Variants in ELF2 observed in about 807,000 individuals in gnomAD.
The protein encoded by ELF2 is ETS-related transcription factor Elf-2.
Under a neutral mutation model 54.8 loss-of-function variants are expected in ELF2, and 11 were observed. That is an observed-to-expected ratio of 0.20 (90% CI 0.13 to 0.33). The LOEUF (loss-of-function observed/expected upper bound fraction) is 0.33, where lower values mean the gene tolerates loss of function less well. Ranked by LOEUF, ELF2 falls within the 10% of genes least tolerant of loss-of-function variation. The pLI, the probability that ELF2 is intolerant of heterozygous loss-of-function variation, is 1.00. For synonymous variants in ELF2, 203 were observed against 245.1 expected (o/e 0.83, Z 1.61); for missense variants, 513 against 703.0 (o/e 0.73, Z 3.06).
chr4:139,171,682 G>A (rs1742328022), intron 1 of ELF2, among the ~76,000 whole-genome samples: 1 of 152,038 alleles, frequency 6.6e-6, no homozygotes, highest in East Asian at 1.9e-4. Flanking sequence ...CTAGCACTTT[G>A]GGAGGCCAAG....
chr4:139,172,907 T>C (rs1204071160), intron 1 of ELF2, among the ~76,000 whole-genome samples: 9 of 96,496 alleles, frequency 9.3e-5, no homozygotes, highest in South Asian at 4.1e-4. Flanking sequence ...GGGGGGGGGC[T>C]ATCATATACC....
At chr4:139,141,388 G>C (rs533482475) in intron 1 of ELF2, among the ~76,000 whole-genome samples, 21 of 152,052 alleles carry the variant, frequency 1.4e-4, no homozygotes, top group Non-Finnish European at 2.5e-4. Context: ...TTTATACGAA[G>C]GACTTCATAT....
At chr4:139,107,868 A>G (rs1253411802) in intron 4 of ELF2, among the ~76,000 whole-genome samples, 1 of 152,182 alleles carries the variant, frequency 6.6e-6, no homozygotes, top group Non-Finnish European at 1.5e-5. Context: ...AATCCTTCCT[A>G]GAGAAATGTC....
At chr4:139,173,212 C>A (rs541329997) in intron 1 of ELF2, among the ~76,000 whole-genome samples, 1 of 151,980 alleles carries the variant, frequency 6.6e-6, no homozygotes, top group East Asian at 1.9e-4. Flanking sequence ...GATAGTTTCA[C>A]GATCTATATA....
At chr4:139,165,809 C>A (rs560900929) in intron 1 of ELF2, among the ~76,000 whole-genome samples, 157 of 152,280 alleles carry the variant, frequency 1.0e-3, no homozygotes, top group African/African-American at 2.7e-3. Flanking sequence ...AAAGCACTGA[C>A]AAATAAGTGA....
intron 1 of ELF2, among the ~76,000 whole-genome samples, chr4:139,162,308 G>C (rs951494198): frequency 2.6e-5 from 4 of 152,118 alleles, no homozygotes; most frequent in Admixed American, 2.6e-4. Flanking sequence ...CACAAGGTCA[G>C]GAGTTCAAGA....
At chr4:139,136,427 A>C (rs1738158775) in intron 3 of ELF2, among the ~76,000 whole-genome samples, 1 of 152,170 alleles carries the variant, frequency 6.6e-6, no homozygotes, top group Non-Finnish European at 1.5e-5. Flanking sequence ...AGCAAAAAAA[A>C]AAGAATCCAG....
At chr4:139,069,669 C>T (rs1729228315) in intron 6 of ELF2, among the ~76,000 whole-genome samples, 1 of 152,106 alleles carries the variant, frequency 6.6e-6, no homozygotes, top group Admixed American at 6.5e-5. Context: ...ACAGCAAGAT[C>T]CACAATGCAC....
chr4:139,149,556 G>C (rs1030170151), intron 1 of ELF2, among the ~76,000 whole-genome samples: 1 of 152,200 alleles, frequency 6.6e-6, no homozygotes, highest in African/African-American at 2.4e-5. Flanking sequence ...AGAGGTTGCA[G>C]TGAGCCAAGA....
At chr4:139,122,848 A>G (rs998025995) in intron 4 of ELF2, among the ~76,000 whole-genome samples, 1 of 151,920 alleles carries the variant, frequency 6.6e-6, no homozygotes, top group East Asian at 1.9e-4. Context: ...TGACTTGAAA[A>G]CTAATCTATG....
At chr4:139,071,314 C>G (rs999039895) in intron 6 of ELF2, among the ~76,000 whole-genome samples, 13 of 151,112 alleles carry the variant, frequency 8.6e-5, no homozygotes, top group African/African-American at 2.9e-4. Context: ...TGATATATAT[C>G]ATATATATAT....
intron 1 of ELF2, among the ~76,000 whole-genome samples, chr4:139,146,798 G>A (rs959985380): frequency 6.6e-6 from 1 of 152,124 alleles, no homozygotes; most frequent in Non-Finnish European, 1.5e-5. Flanking sequence ...TTTAATAAAT[G>A]GTGCTGAGAA....
intron 6 of ELF2, among the ~76,000 whole-genome samples, chr4:139,068,978 T>G (rs987350554): frequency 1.3e-5 from 2 of 151,804 alleles, no homozygotes; most frequent in African/African-American, 4.8e-5. Context: ...CAAGCAATCC[T>G]CCCACCTCAG....
At chr4:139,161,098 A>G (rs1741094202) in intron 1 of ELF2, among the ~76,000 whole-genome samples, 1 of 152,220 alleles carries the variant, frequency 6.6e-6, no homozygotes, top group South Asian at 2.1e-4. Context: ...TACATATATT[A>G]TGTTGCGTAT....
intron 4 of ELF2, chr4:139,084,001 C>T (rs1731578583): frequency 1.1e-5 from 16 of 1,476,292 alleles, no homozygotes; most frequent in Non-Finnish European, 1.2e-5. Context: ...CCCCTTTCCC[C>T]CAGCCGCCCC....
chr4:139,125,195 T>C lies in ELF2; in HGVS notation c.207A>G (p.Glu69=). 1 of 1,612,806 alleles carries C rather than the reference T, an allele frequency of 6.2e-7. No individual in the cohort carries two copies. Among genetic ancestry groups the C allele is most frequent in the Non-Finnish European group, 8.5e-7 (1 of 1,179,658 alleles). Residue 69 remains glutamate (E), a synonymous_variant, in exon 4 of 10, where the codon GAA becomes GAG. Transcript: ENST00000686138. ...ETYMMQDVAE[E]QEVETENVET... ...CCACATTCTCGGTCTCAACTTCTTG[T>C]TCTTCTGCCACATCTTGCATCATAT... is the stretch of plus-strand genomic sequence containing the variant.
At position 139,057,711 on chromosome 4, in the gene ELF2, T is replaced by C. The variant is rs1727233538; in HGVS notation, c.*1272A>G. 1 of 152,274 alleles carries C rather than the reference T, an allele frequency of 6.6e-6. No individual in the cohort carries two copies. Among genetic ancestry groups the C allele is most frequent in the African/African-American group, 2.4e-5 (1 of 41,456 alleles). 9.4% of individuals were successfully genotyped at this position (152,274 alleles called of 1,614,324 possible). A position where few individuals can be genotyped will look rare whatever the true frequency, so the allele number is the denominator to read the frequency against. On this transcript the variant is annotated 3_prime_UTR_variant, in exon 10 of 10. Transcript: ENST00000686138. ...TAGAAAGAAACTGGCAACATGCAGA[T>C]ATTTGCCAAATATTAATATAATGGA... is the stretch of plus-strand genomic sequence containing the variant.
intron 4 of ELF2, among the ~76,000 whole-genome samples, chr4:139,122,683 A>G (rs1736505884): frequency 6.6e-6 from 1 of 151,656 alleles, no homozygotes; most frequent in Non-Finnish European, 1.5e-5. Context: ...TTGTATTTTT[A>G]GTAGAGATGG....
chr4:139,152,844 A>G (rs1217668408), intron 1 of ELF2, among the ~76,000 whole-genome samples: 1 of 148,356 alleles, frequency 6.7e-6, no homozygotes, highest in African/African-American at 2.5e-5. Context: ...ATATATATAT[A>G]GTTGTAATAT....
Sources: allele counts gnomAD v4.1 joint callset (sites outside exome capture counted in the v4.1 genomes callset), GRCh38; gene constraint gnomAD v4.1.1; transcripts MANE v1.5; gene names NCBI Gene and HGNC (gene_info 2026-07-23, HGNC 2026-07-21).